Variants in TMEM266 observed in about 807,000 individuals in gnomAD.
TMEM266 encodes the protein Hv1 related protein 1.
In TMEM266, 33 loss-of-function variants were observed where a neutral mutation model predicts 50.5. That is an observed-to-expected ratio of 0.65 (90% CI 0.50 to 0.87). The LOEUF is 0.87. Among genes scored for constraint, TMEM266 ranks in the 40% least tolerant of loss-of-function variants. The pLI is 0.00. For missense variants in TMEM266, 655 were observed against 695.1 expected (o/e 0.94, Z 0.65); for synonymous variants, 310 against 292.3 (o/e 1.06, Z -0.62).
At chr15:76,107,684 G>A (rs115759049) in intron 1 of TMEM266, among the ~76,000 whole-genome samples, 1,894 of 152,244 alleles carry the variant, frequency 0.012, 46 homozygotes, top group African/African-American at 0.042. Context: ...CCAGCACCTA[G>A]TCATGTGTCA....
intron 1 of TMEM266, among the ~76,000 whole-genome samples, chr15:76,090,414 C>T (rs1208852674): frequency 6.8e-6 from 1 of 146,546 alleles, no homozygotes; most frequent in Non-Finnish European, 1.5e-5. Context: ...ATCACTTGAA[C>T]TTGGGAGGTG....
At chr15:76,194,481 C>T (rs2038626454) in intron 9 of TMEM266, among the ~76,000 whole-genome samples, 1 of 152,224 alleles carries the variant, frequency 6.6e-6, no homozygotes, top group South Asian at 2.1e-4. Context: ...AGAAAGCCCA[C>T]GCCCCTTAGG....
At chr15:76,169,423 T>G (rs968975974) in intron 5 of TMEM266, among the ~76,000 whole-genome samples, 6 of 152,030 alleles carry the variant, frequency 3.9e-5, no homozygotes, top group African/African-American at 1.4e-4. Context: ...ATTTGAAGAT[T>G]CGTAAGTGGT....
intron 8 of TMEM266, among the ~76,000 whole-genome samples, chr15:76,181,899 T>C (rs1235665414): frequency 1.3e-5 from 2 of 152,208 alleles, no homozygotes; most frequent in African/African-American, 2.4e-5. Flanking sequence ...TTAAGCCTGG[T>C]AACAGCTTTT....
At chr15:76,200,410 CAG>C (rs2038727909) in intron 9 of TMEM266, among the ~76,000 whole-genome samples, 1 of 152,302 alleles carries the variant, frequency 6.6e-6, no homozygotes, top group East Asian at 1.9e-4. Context: ...AACTGAGGCC[CAG>C]AGAGGGGATG....
chr15:76,152,184 C>T (rs760503732), intron 3 of TMEM266, among the ~76,000 whole-genome samples: 1 of 152,134 alleles, frequency 6.6e-6, no homozygotes, highest in African/African-American at 2.4e-5. Context: ...CCACTTCCGT[C>T]GAGTCACCCC....
intron 9 of TMEM266, among the ~76,000 whole-genome samples, chr15:76,196,503 G>A (rs1188963943): frequency 6.6e-6 from 1 of 152,230 alleles, no homozygotes. Flanking sequence ...CATGACATTA[G>A]AAATTATGGC....
chr15:76,095,465 G>A lies in TMEM266; in HGVS notation c.-97+35449G>A, dbSNP rs140028831. Reference sequence around the variant, plus strand: ...AGCCTTGCATCCCAGGGATGAAGCCGACTTGATCGTGGTAGATAAGCTTTT... The same window carrying A: ...AGCCTTGCATCCCAGGGATGAAGCCAACTTGATCGTGGTAGATAAGCTTTT... On this transcript the variant is annotated intron_variant, in intron 1 of 10. Transcript: ENST00000388942. Among the ~76,000 whole-genome samples the A allele has an allele frequency of 9.9e-3, 1,499 of 152,122 alleles. 18 individuals are homozygous for A. Among genetic ancestry groups the A allele is most frequent in the African/African-American group, 0.034 (1,416 of 41,534 alleles).
rs767679173 is a variant in TMEM266, at chr15:76,168,391, G to A, written c.457-1425G>A. Among the ~76,000 whole-genome samples, 10 of 152,236 alleles carry A rather than the reference G, an allele frequency of 6.6e-5. No homozygotes were observed. The highest frequency in any genetic ancestry group is 1.3e-4 in the Non-Finnish European group (9 of 68,048). Reference sequence around the variant, plus strand: ...AGCCAAGCCTTTCTGTGGCATAACAGCTGTGGGTGATGATCCTCCAGGCAG... The same window carrying A: ...AGCCAAGCCTTTCTGTGGCATAACAACTGTGGGTGATGATCCTCCAGGCAG... On this transcript the variant is annotated intron_variant, in intron 5 of 10. Coordinates refer to ENST00000388942, the MANE Select transcript of TMEM266 (RefSeq NM_152335.3). The surrounding 1 kb of genome is among the most constrained non-coding windows in gnomAD (Gnocchi z 4.4).
intron 5 of TMEM266, among the ~76,000 whole-genome samples, chr15:76,163,934 C>T (rs950172556): frequency 6.6e-6 from 1 of 152,200 alleles, no homozygotes; most frequent in Non-Finnish European, 1.5e-5. Flanking sequence ...TGGACAATTC[C>T]GTGGCATTTA....
intron 9 of TMEM266, among the ~76,000 whole-genome samples, chr15:76,192,577 A>C (rs2038596230): frequency 6.6e-6 from 1 of 152,128 alleles, no homozygotes; most frequent in African/African-American, 2.4e-5. Context: ...GGGGCTTCCT[A>C]CTGGACTACC....
At chr15:76,084,185 A>G (rs2036737435) in intron 1 of TMEM266, among the ~76,000 whole-genome samples, 1 of 152,102 alleles carries the variant, frequency 6.6e-6, no homozygotes, top group South Asian at 2.1e-4. Context: ...GTGGTGATAC[A>G]TGCCTATAGT....
At chr15:76,110,268 G>T (rs894157000) in intron 1 of TMEM266, among the ~76,000 whole-genome samples, 2 of 152,106 alleles carry the variant, frequency 1.3e-5, no homozygotes, top group African/African-American at 4.8e-5. Context: ...CTCCCAAAGT[G>T]CTGGGATTAC....
At chr15:76,067,014 C>T (rs1372772213) in intron 1 of TMEM266, among the ~76,000 whole-genome samples, 1 of 152,122 alleles carries the variant, frequency 6.6e-6, no homozygotes, top group Admixed American at 6.5e-5. Context: ...CCAAAAATGT[C>T]TCCAGAAATT....
At chr15:76,086,783 C>T (rs910448814) in intron 1 of TMEM266, among the ~76,000 whole-genome samples, 1 of 152,102 alleles carries the variant, frequency 6.6e-6, no homozygotes, top group Non-Finnish European at 1.5e-5. Context: ...CAGAAAGCAA[C>T]CAATCAGAGG....
At chr15:76,172,799 C>T (rs547445337) in intron 7 of TMEM266, among the ~76,000 whole-genome samples, 8 of 152,334 alleles carry the variant, frequency 5.3e-5, no homozygotes, top group South Asian at 4.1e-4. Context: ...AGCGCTCTTT[C>T]GGCTGCTCAC....
chr15:76,133,161 C>T lies in TMEM266; in HGVS notation c.-96-1007C>T, dbSNP rs187887809. Among the ~76,000 whole-genome samples, 677 of 151,456 alleles carry T rather than the reference C, an allele frequency of 4.5e-3. 9 individuals are homozygous for T. Among genetic ancestry groups the T allele is most frequent in the African/African-American group, 0.015 (635 of 41,248 alleles). On this transcript the variant is annotated intron_variant, in intron 1 of 10. Coordinates refer to ENST00000388942, the MANE Select transcript of TMEM266 (RefSeq NM_152335.3). Reference sequence around the variant, plus strand: ...ATAAATAAATAAATCAGGCCGGGCGCGGTGGCTCACGCCTGTAATCCCAGC... The same window carrying T: ...ATAAATAAATAAATCAGGCCGGGCGTGGTGGCTCACGCCTGTAATCCCAGC...
chr15:76,092,339 C>T (rs1032723406), intron 1 of TMEM266, among the ~76,000 whole-genome samples: 1 of 152,038 alleles, frequency 6.6e-6, no homozygotes. Flanking sequence ...ATTTAAAGCT[C>T]AACATGTAAC....
At chr15:76,138,895 A>G (rs767575968) in intron 3 of TMEM266, among the ~76,000 whole-genome samples, 1 of 152,152 alleles carries the variant, frequency 6.6e-6, no homozygotes, top group Non-Finnish European at 1.5e-5. Context: ...AGGGGAGAAC[A>G]CACCAGTTTG....
Sources: allele counts gnomAD v4.1 joint callset (sites outside exome capture counted in the v4.1 genomes callset), GRCh38; gene constraint gnomAD v4.1.1; non-coding constraint Gnocchi (gnomAD v3.1); transcripts MANE v1.5; gene names NCBI Gene and HGNC (gene_info 2026-07-23, HGNC 2026-07-21).